Variants in MPP2 observed in about 807,000 individuals in gnomAD.
The protein encoded by MPP2 is MAGUK p55 subfamily member 2.
A neutral mutation model predicts 58.5 loss-of-function variants in MPP2; 42 were observed. The observed-to-expected ratio is 0.72, with a 90% confidence interval of 0.56 to 0.93. The LOEUF (loss-of-function observed/expected upper bound fraction) is 0.93. MPP2 is among the 40% of genes least tolerant of loss of function. The probability of loss-of-function intolerance (pLI) is 0.00; values close to 1 mark genes in which losing one functional copy is unlikely to be tolerated. For missense variants in MPP2, 632 were observed against 760.4 expected (o/e 0.83, Z 1.99); for synonymous variants, 300 against 307.8 (o/e 0.97, Z 0.26).
At chr17:43,881,787 C>A (rs1276429456) in intron 6 of MPP2, among the ~76,000 whole-genome samples, 198 bp from the exon 7 acceptor site, 2 of 152,154 alleles carry the variant, frequency 1.3e-5, no homozygotes, top group Non-Finnish European at 2.9e-5. Context: ...GGATTCAGAT[C>A]TCAGGACCAA....
In MPP2 at chr17:43,888,265, C is replaced by T. The variant is rs535759996; in HGVS notation, c.151-4910G>A. 8.5e-5 allele frequency among the ~76,000 whole-genome samples: 13 copies of T among 152,300 alleles called. No homozygotes were observed. In the East Asian group the frequency reaches 1.5e-3, roughly 18 times the overall value. The stretch of plus-strand genomic sequence containing the variant: ...CACAGCCTCCCATACCATCCTCTGC[C>T]GGGTGGGCAGCATTTTAGACTGACA... On this transcript the variant is annotated intron_variant, in intron 3 of 12. Transcript: ENST00000269095.
chr17:43,907,194 GC>G, intron 1 of MPP2: 1 of 985,492 alleles, frequency 1.0e-6, no homozygotes, highest in Non-Finnish European at 1.2e-6. Flanking sequence ...AGATACCGGG[GC>G]CCCTCACAGC....
chr17:43,883,861 CAGG>C (rs1457377389), intron 3 of MPP2, among the ~76,000 whole-genome samples: 1 of 152,184 alleles, frequency 6.6e-6, no homozygotes, highest in Non-Finnish European at 1.5e-5. Flanking sequence ...AACACGGTGC[CAGG>C]AGCAGGCCCT....
intron 3 of MPP2, among the ~76,000 whole-genome samples, chr17:43,887,818 T>C (rs2047435451): frequency 6.6e-6 from 1 of 152,130 alleles, no homozygotes; most frequent in Non-Finnish European, 1.5e-5. Flanking sequence ...GTTTGATTTT[T>C]TTTTTAGGTG....
intron 3 of MPP2, among the ~76,000 whole-genome samples, chr17:43,887,681 C>T (rs948422153): frequency 6.6e-6 from 1 of 152,192 alleles, no homozygotes; most frequent in African/African-American, 2.4e-5. Context: ...ATGGCTCACA[C>T]CTGTAATCCC....
At chr17:43,881,864 C>T (rs544220069) in intron 6 of MPP2, among the ~76,000 whole-genome samples, 1 of 152,272 alleles carries the variant, frequency 6.6e-6, no homozygotes, top group East Asian at 1.9e-4. Context: ...CCTCCACTCA[C>T]CCTCTCCCCT....
chr17:43,878,748 CT>C (rs1417744417), intron 12 of MPP2, among the ~76,000 whole-genome samples: 6 of 152,344 alleles, frequency 3.9e-5, no homozygotes, highest in Non-Finnish European at 7.4e-5. Context: ...GCCGCAAACC[CT>C]CCACCTCCTG....
intron 1 of MPP2, 111 bp downstream of exon 1, chr17:43,907,363 G>A (rs1267552358): frequency 1.0e-6 from 1 of 985,512 alleles, no homozygotes; most frequent in African/African-American, 1.7e-5. Context: ...CTGGGTGAAA[G>A]GGGCCTGTGG....
rs929833729 is a variant in MPP2 at position 43,890,309 on chromosome 17, G to A, written c.151-6954C>T. ...AACTAGAAGAGTGATTTGAATTTCTGTGGTAGCCATTCATTTCATTCTGCT... is the reference window on the plus strand; with the variant it reads ...AACTAGAAGAGTGATTTGAATTTCTATGGTAGCCATTCATTTCATTCTGCT... On this transcript the variant is annotated intron_variant, in intron 3 of 12. Transcript: ENST00000269095. Among the ~76,000 whole-genome samples, 6 of 152,104 alleles carry A rather than the reference G, an allele frequency of 3.9e-5. No individual in the cohort carries two copies. In the South Asian group the frequency reaches 1.0e-3, roughly 26 times the overall value.
intron 2 of MPP2, among the ~76,000 whole-genome samples, chr17:43,900,870 G>A (rs571749953): frequency 5.3e-5 from 8 of 152,244 alleles, no homozygotes; most frequent in Non-Finnish European, 8.8e-5. Flanking sequence ...GAAGTTTTGA[G>A]GAGGGGGTAG....
intron 6 of MPP2, 76 bp from the exon 7 acceptor site, chr17:43,881,665 CT>C: frequency 5.2e-6 from 8 of 1,539,456 alleles, no homozygotes; most frequent in Non-Finnish European, 7.0e-6. Context: ...CCCATGCCCC[CT>C]CTTTTCACAG....
rs202083797 is a variant in MPP2 at position 43,905,900 on chromosome 17, G to A, written c.-33-1407C>T. Among the ~76,000 whole-genome samples the A allele has an allele frequency of 7.2e-5, 11 of 152,110 alleles. No homozygotes were observed. In the East Asian group the frequency reaches 2.1e-3, roughly 30 times the overall value. ...GGTTCCCTTTCCTCCCAGCTCTGCC[G>A]CTGAGGACATGGAATAAAGGTGCTT... On this transcript the variant is annotated intron_variant, in intron 1 of 12. Coordinates refer to ENST00000269095, the MANE Select transcript of MPP2 (RefSeq NM_005374.5).
intron 2 of MPP2, among the ~76,000 whole-genome samples, chr17:43,900,055 G>A (rs2048023078): frequency 1.3e-5 from 2 of 152,232 alleles, no homozygotes. Context: ...GGAGTGGGGA[G>A]GAGGGGGCAC....
At chr17:43,901,438 G>A in intron 2 of MPP2, 1 of 985,496 alleles carries the variant, frequency 1.0e-6, no homozygotes. Flanking sequence ...GGAAAAGTGT[G>A]GGCAGAAGGG....
rs763033857 is a variant in MPP2, at chr17:43,880,800, CG to C, written c.1040del (p.Pro347ArgfsTer9). 1.2e-6 allele frequency: 2 copies of C among 1,613,108 alleles called. No homozygotes were observed. The highest frequency in any genetic ancestry group is 4.5e-5 in the East Asian group (2 of 44,848). On this transcript the variant is annotated frameshift_variant, in exon 10 of 13. Transcript: ENST00000269095. LOFTEE classifies it high-confidence loss of function. This position sits in a 1 kb window ranked among gnomAD's most constrained non-coding sequence, Gnocchi z 5.2. ...LIYEEVARMPPFRRKTLVLIG... is the reference protein window; with the variant it reads ...LIYEEVARMPXFRRKTLVLIG... ...TCAGTACCAGGGTTTTCCGGCGGAA[CG>C]GGGGCATGCGGGCCACCTCCTCATA...
intron 2 of MPP2, 77 bp from the exon 3 acceptor site, chr17:43,898,457 C>T (rs2047944752): frequency 2.1e-6 from 2 of 946,008 alleles, no homozygotes; most frequent in African/African-American, 1.6e-5. Context: ...CAATACTTGC[C>T]ACTTCCCCAC....
At chr17:43,907,417 G>C in intron 1 of MPP2, 57 bp downstream of exon 1, 10 of 985,624 alleles carry the variant, frequency 1.0e-5, no homozygotes, top group Non-Finnish European at 1.2e-5. Flanking sequence ...GTGTCAGGAC[G>C]AAAAGAAGGC....
upstream of MPP2, chr17:43,909,622 G>C (rs770631400): frequency 2.7e-5 from 39 of 1,467,284 alleles, no homozygotes; most frequent in Non-Finnish European, 2.2e-5. Flanking sequence ...TGGCCCACCT[G>C]GGGAGGTGGA....
upstream of MPP2, chr17:43,907,629 A>T (rs921982115): frequency 2.0e-6 from 2 of 985,504 alleles, no homozygotes; most frequent in African/African-American, 3.5e-5. Flanking sequence ...GAGAACGCGG[A>T]GGCCGGCACA....
Sources: allele counts gnomAD v4.1 joint callset (sites outside exome capture counted in the v4.1 genomes callset), GRCh38; gene constraint gnomAD v4.1.1; non-coding constraint Gnocchi (gnomAD v3.1); transcripts MANE v1.5; gene names NCBI Gene and HGNC (gene_info 2026-07-23, HGNC 2026-07-21).